TMEM38B: variants seen among roughly 807,000 people sequenced by gnomAD.
TMEM38B encodes the protein transmembrane protein 38B.
In TMEM38B, 24 loss-of-function variants were observed where a neutral mutation model predicts 28.7. The observed-to-expected ratio is 0.84, with a 90% CI of 0.61 to 1.18. The LOEUF is 1.18. TMEM38B is among the 50% of genes most tolerant of loss of function. The probability of loss-of-function intolerance (pLI) is 0.00; values close to 1 mark genes in which losing one functional copy is unlikely to be tolerated. For missense variants in TMEM38B, 380 were observed against 350.9 expected (o/e 1.08, Z -0.66); for synonymous variants, 131 against 127.7 (o/e 1.03, Z -0.17).
At chr9:105,770,124 G>GATGT (rs913437332) in intron 5 of TMEM38B, among the ~76,000 whole-genome samples, 1 of 151,892 alleles carries the variant, frequency 6.6e-6, no homozygotes, top group African/African-American at 2.4e-5. Context: ...TATTGAATAA[G>GATGT]ATGTATTATT....
intron 5 of TMEM38B, among the ~76,000 whole-genome samples, chr9:105,750,820 G>A (rs1404843589): frequency 6.6e-6 from 1 of 152,168 alleles, no homozygotes; most frequent in East Asian, 1.9e-4. Flanking sequence ...TAAATTTTGT[G>A]TATGGTATGA....
intron 4 of TMEM38B, among the ~76,000 whole-genome samples, chr9:105,747,785 C>T (rs1289277970): frequency 6.6e-6 from 1 of 152,128 alleles, no homozygotes; most frequent in African/African-American, 2.4e-5. Context: ...TGTCGTTGTT[C>T]TCGTTGGTTT....
At chr9:105,731,594 A>T (rs907972407) in intron 4 of TMEM38B, among the ~76,000 whole-genome samples, 34 of 152,060 alleles carry the variant, frequency 2.2e-4, no homozygotes, top group Non-Finnish European at 1.2e-4. Flanking sequence ...GCTCAGGATG[A>T]TGGTTTCTAG....
At chr9:105,748,548 A>G (rs1484557698) in intron 5 of TMEM38B, among the ~76,000 whole-genome samples, 2 of 152,226 alleles carry the variant, frequency 1.3e-5, no homozygotes, top group African/African-American at 4.8e-5. Context: ...TTTAAGCTCT[A>G]AAATTTCAAA....
intron 5 of TMEM38B, chr9:105,749,091 T>C (rs1306888980): frequency 1.5e-6 from 2 of 1,303,958 alleles, no homozygotes; most frequent in Non-Finnish European, 2.0e-6. Flanking sequence ...GAATTGGAGA[T>C]GATCTGTGGC....
At chr9:105,708,476 T>C (rs1248406829) in intron 2 of TMEM38B, among the ~76,000 whole-genome samples, 1 of 152,136 alleles carries the variant, frequency 6.6e-6, no homozygotes, top group Non-Finnish European at 1.5e-5. Context: ...AGTTAGAACA[T>C]GTCACTCATG....
chr9:105,744,706 A>G (rs1454366858), intron 4 of TMEM38B, among the ~76,000 whole-genome samples: 1 of 152,036 alleles, frequency 6.6e-6, no homozygotes. Context: ...ATTTAACATT[A>G]GGTATATCTC....
At chr9:105,726,274 A>G (rs879256145) in intron 4 of TMEM38B, among the ~76,000 whole-genome samples, 2 of 152,140 alleles carry the variant, frequency 1.3e-5, no homozygotes, top group Non-Finnish European at 2.9e-5. Flanking sequence ...TTAAATTTTT[A>G]AAAACTTTTT....
At chr9:105,767,296 T>C (rs1173388951) in intron 5 of TMEM38B, among the ~76,000 whole-genome samples, 1 of 152,186 alleles carries the variant, frequency 6.6e-6, no homozygotes, top group Non-Finnish European at 1.5e-5. Context: ...TTCTGTTCTA[T>C]TGATTTATAT....
chr9:105,723,060 A>G (rs935080211), intron 4 of TMEM38B, among the ~76,000 whole-genome samples: 5 of 152,210 alleles, frequency 3.3e-5, no homozygotes, highest in African/African-American at 1.2e-4. Context: ...ATGGGATCAA[A>G]TCAATACATT....
At chr9:105,772,633 G>A (rs542159062) in intron 5 of TMEM38B, among the ~76,000 whole-genome samples, 1 of 152,090 alleles carries the variant, frequency 6.6e-6, no homozygotes, top group African/African-American at 2.4e-5. Context: ...ATCATGACTG[G>A]CCTGAAGTCC....
chr9:105,763,307 G>C (rs1252769903), intron 5 of TMEM38B, among the ~76,000 whole-genome samples: 81 of 152,144 alleles, frequency 5.3e-4, no homozygotes, highest in Non-Finnish European at 7.4e-5. Flanking sequence ...CATTGCTTTT[G>C]GTGTTTTAGA....
At chr9:105,767,191 T>G (rs1000013241) in intron 5 of TMEM38B, among the ~76,000 whole-genome samples, 1 of 152,068 alleles carries the variant, frequency 6.6e-6, no homozygotes, top group Admixed American at 6.5e-5. Context: ...CAACACTGTT[T>G]GTTGAAAAGA....
intron 5 of TMEM38B, chr9:105,760,326 A>G (rs1007814282): frequency 1.7e-5 from 13 of 775,692 alleles, no homozygotes; most frequent in Admixed American, 3.5e-5. Context: ...TGGCTGGAAG[A>G]TTAGTTTCTT....
intron 4 of TMEM38B, 110 bp from the exon 5 acceptor site, chr9:105,747,962 AT>A: frequency 1.5e-6 from 1 of 686,124 alleles, no homozygotes; most frequent in Non-Finnish European, 2.5e-6. Context: ...TCATTTTTGC[AT>A]TACATCTATT....
chr9:105,761,306 T>C (rs906631047), intron 5 of TMEM38B, among the ~76,000 whole-genome samples: 2 of 152,154 alleles, frequency 1.3e-5, no homozygotes, highest in Admixed American at 1.3e-4. Flanking sequence ...ATGTGTATAT[T>C]TTATCAGATT....
At position 105,774,053 on chromosome 9, in the gene TMEM38B, A is replaced by G. The variant is rs1416734650; in HGVS notation, c.849A>G (p.Lys283=). 6.2e-7 allele frequency: 1 copy of G among 1,613,618 alleles called. No individual in the cohort carries two copies. Among genetic ancestry groups the G allele is most frequent in the Non-Finnish European group, 8.5e-7 (1 of 1,179,690 alleles). The change falls in exon 6 of 6, where the codon AAA becomes AAG. Residue 283 remains lysine (K), a synonymous_variant. Transcript: ENST00000374692. Reference sequence around the variant, plus strand: ...TAGATGTTGCCTCAGATAATGTTAAAAAGAAACATACTAAGAAGAATGAAT... The same window carrying G: ...TAGATGTTGCCTCAGATAATGTTAAGAAGAAACATACTAAGAAGAATGAAT... The part of the protein sequence containing the change: ...KPVDVASDNV[K]KKHTKKNE
chr9:105,766,662 A>G (rs886585374), intron 5 of TMEM38B, among the ~76,000 whole-genome samples: 43 of 152,086 alleles, frequency 2.8e-4, no homozygotes, highest in African/African-American at 9.2e-4. Context: ...TCCTATTAAG[A>G]AACTATTTTA....
intron 3 of TMEM38B, among the ~76,000 whole-genome samples, chr9:105,722,205 CT>C (rs1836342935): frequency 6.6e-6 from 1 of 152,068 alleles, no homozygotes; most frequent in Non-Finnish European, 1.5e-5. Context: ...TCTGTAACCT[CT>C]TTTTACAGTA....
Sources: allele counts gnomAD v4.1 joint callset (sites outside exome capture counted in the v4.1 genomes callset), GRCh38; gene constraint gnomAD v4.1.1; transcripts MANE v1.5; gene names NCBI Gene and HGNC (gene_info 2026-07-23, HGNC 2026-07-21).